Variants in LARGE1 observed in about 807,000 individuals in gnomAD.
LARGE1 encodes xylosyl- and glucuronyltransferase LARGE1.
LARGE1 carries 43 observed loss-of-function variants against 87.6 expected under a neutral mutation model. The observed-to-expected ratio is 0.49, with a 90% CI of 0.38 to 0.63. The LOEUF is 0.63. Ranked by LOEUF, LARGE1 falls within the 30% of genes least tolerant of loss-of-function variation. LARGE1 has a pLI of 0.00. For synonymous variants in LARGE1, 434 were observed against 394.6 expected (o/e 1.10, Z -1.18); for missense variants, 802 against 1,000.2 (o/e 0.80, Z 2.67).
At chr22:33,408,345 C>G (rs1284348876) in intron 7 of LARGE1, among the ~76,000 whole-genome samples, 1 of 152,152 alleles carries the variant, frequency 6.6e-6, no homozygotes. Context: ...GAGTAATTAT[C>G]TTTGGCTACA....
intron 2 of LARGE1, among the ~76,000 whole-genome samples, chr22:33,716,384 T>C (rs940682166): frequency 6.6e-6 from 1 of 152,198 alleles, no homozygotes; most frequent in Admixed American, 6.5e-5. Flanking sequence ...ATTTTTTTGT[T>C]TGCTTTTGTT....
chr22:33,464,762 A>G (rs2068519640), intron 6 of LARGE1, among the ~76,000 whole-genome samples: 1 of 152,192 alleles, frequency 6.6e-6, no homozygotes, highest in African/African-American at 2.4e-5. Context: ...GTAGGGGTGT[A>G]AACTGGAATA....
At chr22:33,117,680 A>G in the LARGE1 span, among the ~76,000 whole-genome samples, 212 of 152,334 alleles carry the variant, frequency 1.4e-3, no homozygotes, top group African/African-American at 4.9e-3. Context: ...AAAATAAAAC[A>G]GTGCTCACAA....
the LARGE1 span, among the ~76,000 whole-genome samples, chr22:33,091,932 C>T: frequency 1.4e-4 from 22 of 152,174 alleles, no homozygotes; most frequent in Non-Finnish European, 2.9e-4. Flanking sequence ...TGGAGTCTCA[C>T]TCTGTCACCC....
chr22:33,577,169 G>A (rs2078379054), intron 5 of LARGE1, among the ~76,000 whole-genome samples: 1 of 152,012 alleles, frequency 6.6e-6, no homozygotes, highest in South Asian at 2.1e-4. Context: ...GTTGGTTCTT[G>A]TGGGGATCAA....
chr22:33,468,809 A>G (rs990985922), intron 6 of LARGE1, among the ~76,000 whole-genome samples: 31 of 152,074 alleles, frequency 2.0e-4, no homozygotes, highest in African/African-American at 7.2e-4. Flanking sequence ...TCATCACACA[A>G]AGCTGCCTCC....
intron 1 of LARGE1, among the ~76,000 whole-genome samples, chr22:33,864,222 T>C (rs1359331284): frequency 6.6e-6 from 1 of 152,172 alleles, no homozygotes; most frequent in Admixed American, 6.5e-5. Context: ...GGGGCTCTCA[T>C]TTACTTCAAT....
At chr22:33,744,960 A>G (rs561326786) in intron 2 of LARGE1, among the ~76,000 whole-genome samples, 1 of 152,286 alleles carries the variant, frequency 6.6e-6, no homozygotes, top group East Asian at 1.9e-4. Context: ...TCCCTGGGTG[A>G]TGTGTCATGA....
intron 1 of LARGE1, among the ~76,000 whole-genome samples, chr22:33,916,149 C>T (rs949460495): frequency 2.0e-5 from 3 of 151,934 alleles, no homozygotes; most frequent in African/African-American, 7.3e-5. Context: ...GGCGTGGGGG[C>T]GGGCGCCTGT....
intron 5 of LARGE1, among the ~76,000 whole-genome samples, chr22:33,579,479 A>C (rs1038120311): frequency 7.9e-5 from 12 of 152,140 alleles, no homozygotes; most frequent in African/African-American, 2.7e-4. Context: ...AGCCTTCTAA[A>C]ACTAACGGTT....
chr22:33,803,256 T>A (rs1160655166), intron 1 of LARGE1, among the ~76,000 whole-genome samples: 1 of 152,164 alleles, frequency 6.6e-6, no homozygotes, highest in African/African-American at 2.4e-5. Flanking sequence ...AACTTACATT[T>A]CCTATCTCAA....
intron 1 of LARGE1, among the ~76,000 whole-genome samples, chr22:33,872,561 C>T (rs1399416728): frequency 2.0e-5 from 3 of 152,034 alleles, no homozygotes; most frequent in Admixed American, 1.3e-4. Flanking sequence ...ACATCCTTTA[C>T]GCCCTTGAAC....
chr22:33,785,002 CAT>C (rs981642629), intron 1 of LARGE1, among the ~76,000 whole-genome samples: 2,622 of 149,022 alleles, frequency 0.018, 158 homozygotes, highest in African/African-American at 0.061. Flanking sequence ...CGTGTATATA[CAT>C]ATATGTGTAT....
chr22:33,705,173 A>T (rs1413236704), intron 2 of LARGE1, among the ~76,000 whole-genome samples: 1 of 152,174 alleles, frequency 6.6e-6, no homozygotes, highest in Admixed American at 6.5e-5. Context: ...AACACACACA[A>T]TACAGCACAA....
In LARGE1 at chr22:33,533,061, T is replaced by C. The variant is rs145604916; in HGVS notation, c.787+31787A>G. ...AAAAAAGAAACATCAAGTATATGCA[T>C]GTCTACTGCAGGGCCCATGTTAAAG... On this transcript the variant is annotated intron_variant, in intron 6 of 14. Coordinates refer to ENST00000397394, the MANE Select transcript of LARGE1 (RefSeq NM_133642.5). 6.4e-3 allele frequency among the ~76,000 whole-genome samples: 977 copies of C among 152,280 alleles called. 10 individuals are homozygous for C. The highest frequency in any genetic ancestry group is 0.022 in the African/African-American group (927 of 41,556).
chr22:33,217,324 T>G (rs1471672885), intron 11 of LARGE1, among the ~76,000 whole-genome samples: 2 of 151,990 alleles, frequency 1.3e-5, no homozygotes, highest in African/African-American at 4.8e-5. Flanking sequence ...ATATTCATTC[T>G]CAGGTCCTTA....
chr22:33,152,574 T>G, the LARGE1 span, among the ~76,000 whole-genome samples: 1 of 152,230 alleles, frequency 6.6e-6, no homozygotes, highest in East Asian at 1.9e-4. Flanking sequence ...TTTATTATAT[T>G]TAAATTTTTT....
intron 2 of LARGE1, among the ~76,000 whole-genome samples, chr22:33,668,821 A>G (rs2081333296): frequency 6.6e-6 from 1 of 152,168 alleles, no homozygotes; most frequent in African/African-American, 2.4e-5. Flanking sequence ...TGCTTTTAGT[A>G]TACATTTAGC....
At chr22:33,410,642 T>C (rs2066276519) in intron 7 of LARGE1, among the ~76,000 whole-genome samples, 1 of 152,108 alleles carries the variant, frequency 6.6e-6, no homozygotes, top group African/African-American at 2.4e-5. Context: ...TTAATCCTCT[T>C]TCCTTTATAA....
Sources: allele counts gnomAD v4.1 joint callset (sites outside exome capture counted in the v4.1 genomes callset), GRCh38; gene constraint gnomAD v4.1.1; transcripts MANE v1.5; gene names NCBI Gene and HGNC (gene_info 2026-07-23, HGNC 2026-07-21).